PLCL2: variants seen among roughly 807,000 people sequenced by gnomAD.
The protein encoded by PLCL2 is phospholipase C like 2.
Under a neutral mutation model 79.6 loss-of-function variants are expected in PLCL2, and 4 were observed. That is an observed-to-expected ratio of 0.05 (90% CI 0.02 to 0.11). PLCL2 has a LOEUF of 0.11. Among genes scored for constraint, PLCL2 ranks in the 10% least tolerant of loss-of-function variants. PLCL2 has a pLI of 1.00. For missense variants in PLCL2, 895 were observed against 1,291.0 expected (o/e 0.69, Z 4.70); for synonymous variants, 484 against 457.7 (o/e 1.06, Z -0.73).
intron 1 of PLCL2, among the ~76,000 whole-genome samples, chr3:16,897,647 G>A (rs908139012): frequency 1.3e-5 from 2 of 152,364 alleles, no homozygotes; most frequent in South Asian, 4.1e-4. Flanking sequence ...GTTTGTAAGG[G>A]TGATTTATGC....
intron 1 of PLCL2, among the ~76,000 whole-genome samples, chr3:16,905,357 G>A (rs570731014): frequency 1.3e-5 from 2 of 152,288 alleles, no homozygotes; most frequent in Admixed American, 1.3e-4. Context: ...AGAAAAACTG[G>A]AAGTCAAAGC....
chr3:16,947,982 G>A (rs1302727709), intron 1 of PLCL2, among the ~76,000 whole-genome samples: 2 of 152,150 alleles, frequency 1.3e-5, no homozygotes, highest in African/African-American at 4.8e-5. Flanking sequence ...AGAAAAACAT[G>A]TTTTAATTGT....
chr3:17,089,881 C>T lies in PLCL2; in HGVS notation c.3353C>T (p.Pro1118Leu). ...CCACGCCGGAGCTTGGAAGTCATAC[C>T]CGAAAAAGCAAACGATGAAACTGGA... is the stretch of plus-strand genomic sequence containing the variant. ...QKPRRSLEVI[P>L]EKANDETGE Residue 1118 changes from proline (P) to leucine (L), a missense_variant, in exon 6 of 6, where the codon CCC (proline) becomes CTC (leucine). Pro to Leu is a moderately conservative substitution (Grantham distance 98). Transcript: ENST00000615277. The T allele has an allele frequency of 6.2e-7, 1 of 1,612,842 alleles. No individual in the cohort carries two copies. Among genetic ancestry groups the T allele is most frequent in the African/African-American group, 1.3e-5 (1 of 74,888 alleles).
intron 1 of PLCL2, among the ~76,000 whole-genome samples, chr3:16,926,717 T>C (rs537302638): frequency 2.0e-5 from 3 of 152,128 alleles, no homozygotes; most frequent in East Asian, 3.9e-4. Flanking sequence ...CTGCAGGCTC[T>C]GCCTCCTGGA....
intron 5 of PLCL2, among the ~76,000 whole-genome samples, chr3:17,080,595 C>A (rs577191391): frequency 2.0e-5 from 3 of 152,054 alleles, no homozygotes; most frequent in African/African-American, 7.2e-5. Context: ...GGATTACAGT[C>A]GCCCGCCACC....
intron 1 of PLCL2, among the ~76,000 whole-genome samples, chr3:16,988,411 C>T (rs1000901825): frequency 2.6e-5 from 4 of 152,116 alleles, no homozygotes; most frequent in African/African-American, 7.2e-5. Context: ...TGAAGATACA[C>T]CAAGTATTTT....
intron 1 of PLCL2, among the ~76,000 whole-genome samples, chr3:16,941,626 C>G (rs1380092239): frequency 6.6e-6 from 1 of 152,188 alleles, no homozygotes; most frequent in East Asian, 1.9e-4. Context: ...TATCTTTCCT[C>G]CTCTCTGCTA....
intron 1 of PLCL2, among the ~76,000 whole-genome samples, chr3:16,998,218 C>A (rs185467942): frequency 6.6e-6 from 1 of 151,760 alleles, no homozygotes; most frequent in African/African-American, 2.4e-5. Context: ...TCAAAGTTAT[C>A]CTGAAATAGT....
At chr3:17,037,577 T>C (rs1361474324) in intron 3 of PLCL2, among the ~76,000 whole-genome samples, 1 of 152,176 alleles carries the variant, frequency 6.6e-6, no homozygotes, top group Non-Finnish European at 1.5e-5. Context: ...CACATCTGTG[T>C]TGAGCAGGAC....
chr3:16,996,419 T>C (rs1009616002), intron 1 of PLCL2, among the ~76,000 whole-genome samples: 8 of 152,166 alleles, frequency 5.3e-5, no homozygotes, highest in Admixed American at 3.9e-4. Context: ...GTAGGCAAGT[T>C]ACCTTATCTC....
intron 1 of PLCL2, among the ~76,000 whole-genome samples, chr3:16,925,170 ACCT>A (rs1396989542): frequency 2.7e-5 from 4 of 149,622 alleles, no homozygotes; most frequent in African/African-American, 9.8e-5. Context: ...TGATCCGCCC[ACCT>A]CAGCCTCCCA....
intron 1 of PLCL2, among the ~76,000 whole-genome samples, chr3:17,000,829 G>T (rs1165027144): frequency 1.3e-5 from 2 of 151,942 alleles, no homozygotes; most frequent in African/African-American, 4.8e-5. Context: ...TCCATTAATG[G>T]ACTCTTAGAT....
chr3:16,921,456 C>G (rs1697123109), intron 1 of PLCL2, among the ~76,000 whole-genome samples: 1 of 152,050 alleles, frequency 6.6e-6, no homozygotes, highest in Non-Finnish European at 1.5e-5. Flanking sequence ...GATAGAGTAT[C>G]TAGGAAAGGG....
chr3:17,022,549 T>G (rs2064467412), intron 3 of PLCL2, among the ~76,000 whole-genome samples: 1 of 152,224 alleles, frequency 6.6e-6, no homozygotes, highest in Non-Finnish European at 1.5e-5. Context: ...TTTAAAATTC[T>G]GTTAGTGCTC....
intron 1 of PLCL2, among the ~76,000 whole-genome samples, chr3:16,947,964 A>T (rs948736907): frequency 4.6e-5 from 7 of 152,332 alleles, no homozygotes; most frequent in Middle Eastern, 6.8e-3. Flanking sequence ...TTTGGTAGGG[A>T]TGAATAAAGA....
At chr3:17,021,871 A>G (rs1575591126) in intron 3 of PLCL2, among the ~76,000 whole-genome samples, 1 of 152,314 alleles carries the variant, frequency 6.6e-6, no homozygotes, top group Non-Finnish European at 1.5e-5. Flanking sequence ...TGACATACTA[A>G]CAGTCTGATT....
At chr3:16,957,930 G>A (rs1244916465) in intron 1 of PLCL2, among the ~76,000 whole-genome samples, 2 of 152,204 alleles carry the variant, frequency 1.3e-5, no homozygotes, top group South Asian at 2.1e-4. Context: ...GTCTCTGCAC[G>A]TGAGATGGGT....
chr3:17,011,882 A>G lies in PLCL2; in HGVS notation c.2536A>G (p.Thr846Ala), dbSNP rs566259350. 1.2e-6 allele frequency: 2 copies of G among 1,614,246 alleles called. No homozygotes were observed. Among genetic ancestry groups the G allele is most frequent in the African/African-American group, 1.3e-5 (1 of 75,070 alleles). The change falls in exon 2 of 6, where the codon ACA becomes GCA. Residue 846 changes from threonine to alanine, a missense_variant. This residue lies in a region of PLCL2 where 298 missense variants were observed against 459.6 expected (regional missense o/e 0.65). Coordinates refer to ENST00000615277, the MANE Select transcript of PLCL2 (RefSeq NM_001144382.2). This position sits in a 1 kb window ranked among gnomAD's most constrained non-coding sequence, Gnocchi z 7.9. ...TGGGGATGAATTCATCGGCCAGTAC[A>G]CAATTCCCTTTGAATGTTTACAGAC... ...YIGDEFIGQYTIPFECLQTGY... is the reference protein window; with the variant it reads ...YIGDEFIGQYAIPFECLQTGY...
At chr3:16,893,897 G>A (rs910142550) in intron 1 of PLCL2, among the ~76,000 whole-genome samples, 10 of 152,206 alleles carry the variant, frequency 6.6e-5, no homozygotes, top group Non-Finnish European at 1.0e-4. Flanking sequence ...CACAAATCCT[G>A]TGTCTCTCTC....
Sources: gnomAD v4.1 joint callset for allele counts (sites outside exome capture counted in the v4.1 genomes callset) on GRCh38, gnomAD v4.1.1 for gene constraint, gnomAD v4.1.1 regional missense constraint, Gnocchi (gnomAD v3.1) non-coding constraint, MANE v1.5 for transcripts, NCBI Gene and HGNC (gene_info 2026-07-23, HGNC 2026-07-21) for gene names.